Variants in SHISA9 observed in about 807,000 individuals in gnomAD.
The protein encoded by SHISA9 is shisa family member 9.
SHISA9 carries 13 observed loss-of-function variants against 38.0 expected under a neutral mutation model. The ratio of observed to expected loss-of-function variants is 0.34; its 90% CI spans 0.22 to 0.54. The LOEUF is 0.54. Ranked by LOEUF, SHISA9 falls within the 20% of genes least tolerant of loss-of-function variation. The probability of loss-of-function intolerance (pLI) is 0.91; values close to 1 mark genes in which losing one functional copy is unlikely to be tolerated. For missense variants in SHISA9, 538 were observed against 575.8 expected, an observed-to-expected ratio of 0.93 and a Z score of 0.67; for synonymous variants, 275 against 242.0, an observed-to-expected ratio of 1.14 and a Z score of -1.27.
chr16:13,113,132 C>G (rs1218830467), intron 2 of SHISA9, among the ~76,000 whole-genome samples: 1 of 149,296 alleles, frequency 6.7e-6, no homozygotes, highest in Non-Finnish European at 1.5e-5. Flanking sequence ...ATCGCTTCAA[C>G]CCAGAAGGCA....
chr16:13,063,559 G>T (rs1389142626), intron 2 of SHISA9, among the ~76,000 whole-genome samples: 1 of 152,136 alleles, frequency 6.6e-6, no homozygotes, highest in Admixed American at 6.5e-5. Flanking sequence ...TAATGGCGCA[G>T]AATGTTCATC....
the SHISA9 span, among the ~76,000 whole-genome samples, chr16:13,508,368 GT>G: frequency 4.6e-5 from 7 of 151,970 alleles, no homozygotes; most frequent in Non-Finnish European, 7.4e-5. Context: ...GCTTTGAAGT[GT>G]TTTCTAATAT....
chr16:12,955,314 C>G (rs577688366), intron 2 of SHISA9, among the ~76,000 whole-genome samples: 1 of 152,072 alleles, frequency 6.6e-6, no homozygotes, highest in African/African-American at 2.4e-5. Context: ...CCCCTCCAAC[C>G]AATGGCCTCC....
chr16:13,338,020 C>A, the SHISA9 span, among the ~76,000 whole-genome samples: 1 of 152,172 alleles, frequency 6.6e-6, no homozygotes, highest in Non-Finnish European at 1.5e-5. Flanking sequence ...AATAGCAATG[C>A]AAGAATGCCT....
At chr16:13,171,401 G>A (rs936916918) in intron 2 of SHISA9, among the ~76,000 whole-genome samples, 1 of 151,560 alleles carries the variant, frequency 6.6e-6, no homozygotes, top group African/African-American at 2.4e-5. Flanking sequence ...AGACTGGCGT[G>A]AAGTTGCAAA....
chr16:13,050,442 CT>C (rs1169265477), intron 2 of SHISA9, among the ~76,000 whole-genome samples: 2 of 152,142 alleles, frequency 1.3e-5, no homozygotes. Flanking sequence ...AGCCATCCCC[CT>C]ACCTCAGCCC....
chr16:13,480,496 CAG>C, the SHISA9 span, among the ~76,000 whole-genome samples: 1 of 152,188 alleles, frequency 6.6e-6, no homozygotes, highest in African/African-American at 2.4e-5. Flanking sequence ...GCTGGTCACT[CAG>C]AACCTTGAGG....
In SHISA9 at chr16:12,902,587, C is replaced by T. The variant is rs1210785300; in HGVS notation, c.523C>T (p.Leu175=). 1.9e-6 allele frequency: 3 copies of T among 1,550,944 alleles called. No individual in the cohort carries two copies. The highest frequency in any genetic ancestry group is 1.2e-5 in the South Asian group (1 of 84,022). Residue 175 remains leucine (L), a synonymous_variant, in exon 1 of 5, where the codon CTG becomes TTG. Transcript: ENST00000558583. ...CGTGGGCATCTTCACCAAGCTGGGG[C>T]TGGAGAAAGCGCACCGGCCCCAAAG... ...VLVGIFTKLG[L]EKAHRPQREH... is the part of the protein sequence containing the mutation.
At chr16:13,361,874 T>A in the SHISA9 span, among the ~76,000 whole-genome samples, 1 of 152,194 alleles carries the variant, frequency 6.6e-6, no homozygotes, top group East Asian at 1.9e-4. Context: ...TTATTTCCAC[T>A]ATGTGTATTA....
chr16:13,399,126 G>A, the SHISA9 span, among the ~76,000 whole-genome samples: 17 of 152,012 alleles, frequency 1.1e-4, no homozygotes, highest in Non-Finnish European at 2.2e-4. Flanking sequence ...TTGGTGGTGC[G>A]TACCTGTGGT....
chr16:13,185,023 A>G (rs551490996), intron 2 of SHISA9, among the ~76,000 whole-genome samples: 1 of 152,308 alleles, frequency 6.6e-6, no homozygotes, highest in South Asian at 2.1e-4. Context: ...GAGCTGTAGC[A>G]TTTTACATTA....
the SHISA9 span, among the ~76,000 whole-genome samples, chr16:13,441,276 C>T: frequency 3.9e-5 from 6 of 152,208 alleles, no homozygotes; most frequent in South Asian, 1.2e-3. Context: ...CTCAGAGGGA[C>T]ACAAAACTTT....
At chr16:13,003,859 A>AAATAATAATAT (rs2072557918) in intron 2 of SHISA9, among the ~76,000 whole-genome samples, 1 of 140,684 alleles carries the variant, frequency 7.1e-6, no homozygotes, top group African/African-American at 3.0e-5. Flanking sequence ...CTCCGTCTCA[A>AAATAATAATAT]AATAATAATA....
chr16:12,965,663 G>A (rs769339445), intron 2 of SHISA9, among the ~76,000 whole-genome samples: 2 of 152,160 alleles, frequency 1.3e-5, no homozygotes, highest in Non-Finnish European at 2.9e-5. Context: ...AGGGTCTGGG[G>A]TTTACTCCCC....
chr16:12,902,739 G>A (rs1310936780), intron 1 of SHISA9, 112 bp downstream of exon 1: 10 of 1,157,172 alleles, frequency 8.6e-6, no homozygotes, highest in Non-Finnish European at 1.2e-5. Flanking sequence ...CCGCATCCCA[G>A]CCTCTCCGCT....
At chr16:13,433,463 C>T in the SHISA9 span, among the ~76,000 whole-genome samples, 1 of 152,204 alleles carries the variant, frequency 6.6e-6, no homozygotes, top group Admixed American at 6.5e-5. Flanking sequence ...GCATGAGATA[C>T]ATCACATATA....
chr16:13,073,889 C>T (rs1323419671), intron 2 of SHISA9, among the ~76,000 whole-genome samples: 1 of 151,834 alleles, frequency 6.6e-6, no homozygotes, highest in Non-Finnish European at 1.5e-5. Context: ...CAGAAGAAAC[C>T]AAGTCTGTGG....
intron 2 of SHISA9, among the ~76,000 whole-genome samples, chr16:12,983,165 G>T (rs1008472917): frequency 1.3e-5 from 2 of 152,210 alleles, no homozygotes; most frequent in Admixed American, 6.5e-5. Context: ...AAGCCAGGCT[G>T]CAGAGAGAAG....
the SHISA9 span, among the ~76,000 whole-genome samples, chr16:13,376,356 T>A: frequency 6.6e-6 from 1 of 152,198 alleles, no homozygotes; most frequent in Non-Finnish European, 1.5e-5. Flanking sequence ...CCTGACTGAT[T>A]CTCTGGAAGA....
Sources: allele counts gnomAD v4.1 joint callset (sites outside exome capture counted in the v4.1 genomes callset), GRCh38; gene constraint gnomAD v4.1.1; transcripts MANE v1.5; gene names NCBI Gene and HGNC (gene_info 2026-07-23, HGNC 2026-07-21).